The following FBRSL1 variants were observed in gnomAD, a reference collection of about 807,000 sequenced individuals.
The protein encoded by FBRSL1 is fibrosin-1-like protein.
Under a neutral mutation model 89.6 loss-of-function variants are expected in FBRSL1, and 51 were observed. The observed-to-expected ratio is 0.57, with a 90% CI of 0.45 to 0.72. The LOEUF (loss-of-function observed/expected upper bound fraction) is 0.72. FBRSL1 is among the 30% of genes least tolerant of loss of function. The probability of loss-of-function intolerance (pLI) is 0.00; values close to 1 mark genes in which losing one functional copy is unlikely to be tolerated. For synonymous variants in FBRSL1, 779 were observed against 681.1 expected (o/e 1.14, Z -2.24); for missense variants, 1,618 against 1,451.8 (o/e 1.11, Z -1.86).
chr12:132,499,548 G>A lies in FBRSL1; in HGVS notation c.292-8605G>A, dbSNP rs990956153. Among the ~76,000 whole-genome samples the A allele has an allele frequency of 2.6e-5, 4 of 152,240 alleles. No individual in the cohort carries two copies. Among genetic ancestry groups the A allele is most frequent in the Admixed American group, 2.6e-4 (4 of 15,282 alleles). On this transcript the variant is annotated intron_variant, in intron 1 of 18. Coordinates refer to ENST00000680143, the MANE Select transcript of FBRSL1 (RefSeq NM_001367871.1). The surrounding 1 kb of genome is among the most constrained non-coding windows in gnomAD (Gnocchi z 4.3). ...GTCGTCGAAGGCTAGGAGTCACAGA[G>A]GAGGCCACGAGGGCTTCTGGGGAAG... is the stretch of plus-strand genomic sequence containing the variant.
intron 5 of FBRSL1, chr12:132,553,023 C>T (rs1412285689): frequency 6.5e-6 from 1 of 152,976 alleles, no homozygotes; most frequent in East Asian, 1.9e-4. Flanking sequence ...CAGGCACCTT[C>T]TGAGGAAGGG....
At chr12:132,510,446 A>T (rs1410704386) in intron 2 of FBRSL1, 1 of 1,231,814 alleles carries the variant, frequency 8.1e-7, no homozygotes. Flanking sequence ...CTGGAGCCTG[A>T]TGCCTGCAGG....
chr12:132,572,732 C>T (rs2040119594), intron 11 of FBRSL1, 110 bp downstream of exon 11: 4 of 784,370 alleles, frequency 5.1e-6, no homozygotes, highest in Non-Finnish European at 6.3e-6. Context: ...CCTTTCCCTC[C>T]CTTGTACCTG....
chr12:132,547,194 G>A (rs575389025), intron 4 of FBRSL1, among the ~76,000 whole-genome samples: 4 of 151,274 alleles, frequency 2.6e-5, no homozygotes, highest in Admixed American at 2.6e-4. Flanking sequence ...TCTGCTTACT[G>A]AAAACGGAGA....
At chr12:132,539,130 C>T (rs1455414659) in intron 4 of FBRSL1, among the ~76,000 whole-genome samples, 6 of 152,092 alleles carry the variant, frequency 3.9e-5, no homozygotes, top group Non-Finnish European at 7.4e-5. Flanking sequence ...CATCCCCACA[C>T]ACTGCCCGGC....
At chr12:132,526,387 G>A (rs977323393) in intron 3 of FBRSL1, among the ~76,000 whole-genome samples, 6 of 152,222 alleles carry the variant, frequency 3.9e-5, no homozygotes, top group African/African-American at 1.4e-4. Flanking sequence ...CCGCTGCCTT[G>A]GTTTGTCCTC....
At chr12:132,557,499 G>T (rs1352021102) in intron 5 of FBRSL1, among the ~76,000 whole-genome samples, 2 of 152,180 alleles carry the variant, frequency 1.3e-5, no homozygotes, top group African/African-American at 4.8e-5. Flanking sequence ...GGGGCTCGGG[G>T]CTCGGGGCTG....
chr12:132,525,335 G>A (rs1345462839), intron 2 of FBRSL1, among the ~76,000 whole-genome samples: 2 of 152,180 alleles, frequency 1.3e-5, no homozygotes, highest in Non-Finnish European at 1.5e-5. Context: ...GGGTGTGGGT[G>A]GAGGCCCTGC....
intron 2 of FBRSL1, among the ~76,000 whole-genome samples, chr12:132,512,459 A>G (rs1566121092): frequency 6.6e-6 from 1 of 152,196 alleles, no homozygotes; most frequent in Non-Finnish European, 1.5e-5. Flanking sequence ...TGGACCTGGC[A>G]CACTTGGGGT....
rs551602143 is a variant in FBRSL1, at chr12:132,517,517, G to C, written c.490-8217G>C. On this transcript the variant is annotated intron_variant, in intron 2 of 18. Coordinates refer to ENST00000680143, the MANE Select transcript of FBRSL1 (RefSeq NM_001367871.1). ...AGTGACAAACAAGACAAGTGACCGT[G>C]CTGCCCTCGAGAAGTTAAACTATAA... Among the ~76,000 whole-genome samples the C allele has an allele frequency of 3.9e-5, 6 of 152,376 alleles. No individual in the cohort carries two copies. In the South Asian group the frequency reaches 1.2e-3, roughly 32 times the overall value.
intron 4 of FBRSL1, 62 bp downstream of exon 4, chr12:132,528,050 A>T: frequency 6.9e-7 from 1 of 1,447,506 alleles, no homozygotes; most frequent in Non-Finnish European, 9.5e-7. Context: ...CCAGGTCCCC[A>T]CCTCACCTGT....
intron 17 of FBRSL1, 66 bp from the exon 18 acceptor site, chr12:132,581,996 G>A: frequency 2.1e-6 from 3 of 1,404,606 alleles, no homozygotes; most frequent in African/African-American, 2.8e-5. Context: ...CCCCTACCGG[G>A]TTCTCCTGGG....
In FBRSL1 at chr12:132,567,652, G is replaced by A. The variant is rs1566219058; in HGVS notation, c.691+126G>A. ...GTCTTGGCACCTGGGGTGCAGAGCTGGGTGGGACCAGGGTGCTGGGATTGC... is the reference window on the plus strand; with the variant it reads ...GTCTTGGCACCTGGGGTGCAGAGCTAGGTGGGACCAGGGTGCTGGGATTGC... On this transcript the variant is annotated intron_variant, in intron 6 of 18. Transcript: ENST00000680143. 1.0e-6 allele frequency: 1 copy of A among 991,404 alleles called. No individual in the cohort carries two copies. Among genetic ancestry groups the A allele is most frequent in the Non-Finnish European group, 1.5e-6 (1 of 658,444 alleles). 61.4% of individuals were successfully genotyped at this position (991,404 alleles called of 1,614,324 possible). A position where few individuals can be genotyped will look rare whatever the true frequency, so the allele number is the denominator to read the frequency against.
chr12:132,493,708 C>T (rs11614914), intron 1 of FBRSL1, among the ~76,000 whole-genome samples: 43,867 of 152,120 alleles, frequency 0.29, 6,605 homozygotes, highest in Non-Finnish European at 0.32. Flanking sequence ...AGGCCCCCGC[C>T]CCCTTTGTGT....
At chr12:132,544,294 G>A (rs577098574) in intron 4 of FBRSL1, among the ~76,000 whole-genome samples, 2 of 152,290 alleles carry the variant, frequency 1.3e-5, no homozygotes, top group South Asian at 4.1e-4. Context: ...TAGGCTGGCA[G>A]ACCATGGTAC....
At chr12:132,542,959 C>T (rs921456650) in intron 4 of FBRSL1, among the ~76,000 whole-genome samples, 1 of 152,218 alleles carries the variant, frequency 6.6e-6, no homozygotes, top group African/African-American at 2.4e-5. Flanking sequence ...AGCCCCAACC[C>T]CAACCCGTAG....
chr12:132,503,954 G>A (rs1434832412), intron 1 of FBRSL1, among the ~76,000 whole-genome samples: 1 of 152,064 alleles, frequency 6.6e-6, no homozygotes, highest in African/African-American at 2.4e-5. Context: ...AGACCCCTGG[G>A]GGCTCCCTCA....
In FBRSL1 at chr12:132,583,422, T is replaced by C; in HGVS notation, c.2653T>C (p.Tyr885His). The C allele has an allele frequency of 9.3e-7, 1 of 1,074,762 alleles. No homozygotes were observed. The highest frequency in any genetic ancestry group is 1.1e-6 in the Non-Finnish European group (1 of 887,146). 66.6% of individuals were successfully genotyped at this position (1,074,762 alleles called of 1,614,324 possible). A position where few individuals can be genotyped will look rare whatever the true frequency, so the allele number is the denominator to read the frequency against. ...AALLEPPERP[Y>H]RDREPHGYSP... ...CCTCTTGGAGCCCCCGGAGCGCCCC[T>C]ACCGCGACCGCGAGCCCCACGGCTA... The change falls in exon 19 of 19, where the codon TAC becomes CAC. Residue 885 changes from tyrosine (Y) to histidine (H), a missense_variant. Physicochemically the swap from Tyr to His is moderately conservative, Grantham distance 83 (BLOSUM62 2). Coordinates refer to ENST00000680143, the MANE Select transcript of FBRSL1 (RefSeq NM_001367871.1).
intron 5 of FBRSL1, among the ~76,000 whole-genome samples, chr12:132,558,775 C>G (rs1042656145): frequency 6.6e-6 from 1 of 152,254 alleles, no homozygotes; most frequent in African/African-American, 2.4e-5. Flanking sequence ...AGGCCCTGCC[C>G]GGGGCCAGGC....
Sources: gnomAD v4.1 joint callset for allele counts (sites outside exome capture counted in the v4.1 genomes callset) on GRCh38, gnomAD v4.1.1 for gene constraint, Gnocchi (gnomAD v3.1) non-coding constraint, MANE v1.5 for transcripts, NCBI Gene and HGNC (gene_info 2026-07-23, HGNC 2026-07-21) for gene names.